The following LOXL2 variants were observed in gnomAD, a reference collection of about 807,000 sequenced individuals.
LOXL2 encodes the protein lysyl oxidase homolog 2.
In LOXL2, 70 loss-of-function variants were observed where a neutral mutation model predicts 93.0. The ratio of observed to expected loss-of-function variants is 0.75; its 90% CI spans 0.62 to 0.92. The LOEUF is 0.92. Among genes scored for constraint, LOXL2 ranks in the 40% least tolerant of loss-of-function variants. The probability of loss-of-function intolerance (pLI) is 0.00; values close to 1 mark genes in which losing one functional copy is unlikely to be tolerated. For synonymous variants in LOXL2, 438 were observed against 413.2 expected (o/e 1.06, Z -0.73); for missense variants, 973 against 1,054.9 (o/e 0.92, Z 1.08).
intron 1 of LOXL2, among the ~76,000 whole-genome samples, chr8:23,385,381 GGATTACAGGCACACACC>G (rs1247695906): frequency 6.6e-6 from 1 of 150,676 alleles, no homozygotes; most frequent in African/African-American, 2.4e-5. Flanking sequence ...CAAGTAGCTG[GGATTACAGGCACACACC>G]ACCACACCCA....
At chr8:23,375,521 A>G (rs1472282963) in intron 1 of LOXL2, among the ~76,000 whole-genome samples, 2 of 152,146 alleles carry the variant, frequency 1.3e-5, no homozygotes, top group Non-Finnish European at 2.9e-5. Flanking sequence ...CATTGAATCT[A>G]TAAATTACCT....
intron 3 of LOXL2, among the ~76,000 whole-genome samples, chr8:23,356,900 G>A (rs755360697): frequency 1.4e-4 from 22 of 152,126 alleles, no homozygotes; most frequent in Non-Finnish European, 2.8e-4. Context: ...ATCTTGTCTT[G>A]CAGGTTGTAA....
At position 23,297,890 on chromosome 8, in the gene LOXL2, C is replaced by T. The variant is rs1377377789; in HGVS notation, c.*153G>A. On this transcript the variant is annotated 3_prime_UTR_variant, in exon 14 of 14. Transcript: ENST00000389131. ...CATGAATGATGGGAGGGTCCCTTTC[C>T]TCCTGAGCTTAGACACAGCTGTAGG... is the stretch of plus-strand genomic sequence containing the variant. 2 of 611,836 alleles carry T rather than the reference C, an allele frequency of 3.3e-6. No homozygotes were observed. The highest frequency in any genetic ancestry group is 2.8e-5 in the East Asian group (1 of 35,174). 37.9% of individuals were successfully genotyped at this position (611,836 alleles called of 1,614,324 possible). A position where few individuals can be genotyped will look rare whatever the true frequency, so the allele number is the denominator to read the frequency against.
At position 23,300,362 on chromosome 8, in the gene LOXL2, C is replaced by T. The variant is rs556483306; in HGVS notation, c.2134-1415G>A. On this transcript the variant is annotated intron_variant, in intron 12 of 13. Coordinates refer to ENST00000389131, the MANE Select transcript of LOXL2 (RefSeq NM_002318.3). ...GTGAATCTAGGAAATGATGAGAAAG[C>T]GGATAAAGCGGGGCCACCAGGAGCC... Among the ~76,000 whole-genome samples the T allele has an allele frequency of 2.6e-5, 4 of 152,328 alleles. No homozygotes were observed. The East Asian group carries it at 5.8e-4, about 22-fold the overall frequency.
At chr8:23,396,091 C>CGGCA (rs1800086530) in intron 1 of LOXL2, among the ~76,000 whole-genome samples, 1 of 151,972 alleles carries the variant, frequency 6.6e-6, no homozygotes, top group Admixed American at 6.6e-5. Context: ...TGGGAGGCTG[C>CGGCA]GGCAGGATCC....
At chr8:23,368,691 AG>A (rs1804452130) in intron 1 of LOXL2, among the ~76,000 whole-genome samples, 2 of 152,142 alleles carry the variant, frequency 1.3e-5, no homozygotes, top group South Asian at 4.1e-4. Context: ...ACTTAATTTA[AG>A]GAGAGTTTTT....
intron 3 of LOXL2, among the ~76,000 whole-genome samples, chr8:23,348,909 C>T (rs531894566): frequency 4.0e-5 from 6 of 151,892 alleles, no homozygotes; most frequent in Non-Finnish European, 8.8e-5. Flanking sequence ...AAAAAAACAA[C>T]AACAGTGGCC....
intron 1 of LOXL2, among the ~76,000 whole-genome samples, chr8:23,393,509 G>GT (rs1800042178): frequency 6.6e-6 from 1 of 152,200 alleles, no homozygotes; most frequent in African/African-American, 2.4e-5. Flanking sequence ...GCAAAAGAAT[G>GT]AAGTTGGGGC....
chr8:23,372,579 A>G (rs1804513302), intron 1 of LOXL2, among the ~76,000 whole-genome samples: 2 of 152,200 alleles, frequency 1.3e-5, no homozygotes, highest in Admixed American at 1.3e-4. Context: ...ATGGAAACAG[A>G]TATACCATGC....
chr8:23,347,804 A>G (rs1804019090), intron 3 of LOXL2, among the ~76,000 whole-genome samples: 1 of 145,414 alleles, frequency 6.9e-6, no homozygotes. Context: ...CCTCATTTCT[A>G]AAAAAAAAAA....
chr8:23,332,660 CCCCCCCACACTCATACACACACTCATACA>C, intron 5 of LOXL2, among the ~76,000 whole-genome samples: 2 of 51,968 alleles, frequency 3.8e-5, no homozygotes, highest in Non-Finnish European at 7.2e-5. Flanking sequence ...CGCTCATACA[CCCCCCCACACTCATACACACACTCATACA>C]CCCCCCACAC....
At chr8:23,301,203 C>T (rs1055951114) in intron 12 of LOXL2, among the ~76,000 whole-genome samples, 2 of 152,188 alleles carry the variant, frequency 1.3e-5, no homozygotes, top group Non-Finnish European at 2.9e-5. Flanking sequence ...AGCTGGAAAA[C>T]GAGATGGGTG....
At chr8:23,342,041 T>C (rs904963429) in intron 3 of LOXL2, among the ~76,000 whole-genome samples, 6 of 151,986 alleles carry the variant, frequency 3.9e-5, no homozygotes, top group African/African-American at 1.4e-4. Context: ...GAAAGATTCA[T>C]TGGCAGGGCC....
chr8:23,297,977 G>GT lies in LOXL2; in HGVS notation c.*65dup, dbSNP rs1420587028. ...ACGTGGCATTCGTTCAGACTCAGTT[G>GT]TTGGGGGGAAGTCCCATGGAAGATG... On this transcript the variant is annotated 3_prime_UTR_variant, in exon 14 of 14. Transcript: ENST00000389131. The GT allele has an allele frequency of 7.2e-7, 1 of 1,383,470 alleles. No homozygotes were observed. The allele number at this position is 1,383,470 out of a possible 1,614,324, so 85.7% of individuals were successfully genotyped here. A position where few individuals can be genotyped will look rare whatever the true frequency, so the allele number is the denominator to read the frequency against.
chr8:23,315,995 G>A (rs773471222), intron 9 of LOXL2, among the ~76,000 whole-genome samples: 10 of 152,148 alleles, frequency 6.6e-5, no homozygotes, highest in Non-Finnish European at 1.2e-4. Flanking sequence ...TGGTGATCTC[G>A]CCATCTCTCC....
Position 23,316,964 on chromosome 8 carries a change from C to T in LOXL2, c.1621G>A (p.Val541Ile), listed in dbSNP as rs1803412063. 7 of 1,599,570 alleles carry T rather than the reference C, an allele frequency of 4.4e-6. No homozygotes were observed. The highest frequency in any genetic ancestry group is 6.0e-6 in the Non-Finnish European group (7 of 1,172,024). Reference protein sequence around the residue: ...PQGGVQYGAGVACSETAPDLV... With the variant: ...PQGGVQYGAGIACSETAPDLV... Reference sequence around the variant, plus strand: ...GAGCTCTCACTTTCTGAGCAGGCAACTCCGGCCCCGTACTGCACTCCGCCC... The same window carrying T: ...GAGCTCTCACTTTCTGAGCAGGCAATTCCGGCCCCGTACTGCACTCCGCCC... Residue 541 changes from valine to isoleucine, a missense_variant, in exon 9 of 14, where the codon GTT becomes ATT. Physicochemically the swap from Val to Ile is conservative, Grantham distance 29. Transcript: ENST00000389131.
In LOXL2 at chr8:23,322,215, T is replaced by C; in HGVS notation, c.1217A>G (p.Lys406Arg). 1 of 1,614,192 alleles carries C rather than the reference T, an allele frequency of 6.2e-7. No individual in the cohort carries two copies. The highest frequency in any genetic ancestry group is 2.2e-5 in the East Asian group (1 of 44,886). Residue 406 changes from lysine (K) to arginine (R), a missense_variant, in exon 7 of 14, where the codon AAG becomes AGG. By Grantham distance (26) the Lys-to-Arg change is conservative. Transcript: ENST00000389131. ...GCAGCCCTGAGACTCGGCATTGAAC[T>C]TGCAGTCTATAATGGACTTCTCATT... The part of the protein sequence containing the change: ...TGNEKSIIDC[K>R]FNAESQGCNH...
At chr8:23,378,503 G>A (rs1312494809) in intron 1 of LOXL2, among the ~76,000 whole-genome samples, 2 of 152,208 alleles carry the variant, frequency 1.3e-5, no homozygotes, top group South Asian at 2.1e-4. Context: ...CTAGGTTGGG[G>A]AAGTTCTCCT....
rs78674898 is a variant in LOXL2, at chr8:23,303,873, G to A, written c.1881-476C>T. On this transcript the variant is annotated intron_variant, in intron 10 of 13. Transcript: ENST00000389131. ...AGAAAAACCAAAGGGTAAGAAGCAT[G>A]ATTAAGGGGGAGCAGCAGAAAGAAC... is the stretch of plus-strand genomic sequence containing the variant. Among the ~76,000 whole-genome samples, 1,492 of 152,354 alleles carry A rather than the reference G, an allele frequency of 9.8e-3. 19 individuals are homozygous for A. The highest frequency in any genetic ancestry group is 0.034 in the African/African-American group (1,423 of 41,584).
Sources: gnomAD v4.1 joint callset for allele counts (sites outside exome capture counted in the v4.1 genomes callset) on GRCh38, gnomAD v4.1.1 for gene constraint, MANE v1.5 for transcripts, NCBI Gene and HGNC (gene_info 2026-07-23, HGNC 2026-07-21) for gene names.